Variants in NRG3 observed in about 807,000 individuals in gnomAD.
NRG3 encodes the protein neuregulin 3.
Under a neutral mutation model 66.9 loss-of-function variants are expected in NRG3, and 31 were observed. The ratio of observed to expected loss-of-function variants is 0.46; its 90% CI spans 0.35 to 0.63. NRG3 has a LOEUF of 0.63. Ranked by LOEUF, NRG3 falls within the 20% of genes least tolerant of loss-of-function variation. The pLI is 0.00. For missense variants in NRG3, 910 were observed against 878.9 expected, an observed-to-expected ratio of 1.04 and a Z score of -0.45; for synonymous variants, 393 against 359.4, an observed-to-expected ratio of 1.09 and a Z score of -1.06.
At chr10:82,417,999 A>G (rs2088703735) in intron 2 of NRG3, among the ~76,000 whole-genome samples, 1 of 152,246 alleles carries the variant, frequency 6.6e-6, no homozygotes, top group Non-Finnish European at 1.5e-5. Flanking sequence ...ATTTAACCAG[A>G]GCACCTTGAA....
intron 2 of NRG3, among the ~76,000 whole-genome samples, chr10:82,416,453 A>G (rs1001801905): frequency 6.6e-6 from 1 of 152,208 alleles, no homozygotes; most frequent in Non-Finnish European, 1.5e-5. Context: ...AAGTTCATGT[A>G]TAAGCATAAG....
intron 1 of NRG3, among the ~76,000 whole-genome samples, chr10:82,110,513 CAGAGACG>C (rs1354797476): frequency 6.6e-6 from 1 of 152,024 alleles, no homozygotes; most frequent in Non-Finnish European, 1.5e-5. Context: ...AACGGAAACA[CAGAGACG>C]AGAGACGAGG....
chr10:82,779,728 C>CT (rs564100342), intron 3 of NRG3, among the ~76,000 whole-genome samples: 3,153 of 151,030 alleles, frequency 0.021, 103 homozygotes, highest in African/African-American at 0.069. Flanking sequence ...ATTTTCTATT[C>CT]TTTTTTTTTA....
intron 1 of NRG3, among the ~76,000 whole-genome samples, chr10:82,135,384 T>C (rs993189976): frequency 2.0e-5 from 3 of 152,124 alleles, no homozygotes; most frequent in Non-Finnish European, 4.4e-5. Context: ...TATCTTTCTC[T>C]AGATTTTGAA....
chr10:82,908,671 A>C (rs1844997099), intron 4 of NRG3, among the ~76,000 whole-genome samples: 1 of 152,212 alleles, frequency 6.6e-6, no homozygotes, highest in Admixed American at 6.5e-5. Context: ...AAAAAGACTG[A>C]GGGAATCCAG....
intron 1 of NRG3, among the ~76,000 whole-genome samples, chr10:82,109,078 G>C (rs1040460454): frequency 6.6e-6 from 1 of 152,172 alleles, no homozygotes; most frequent in African/African-American, 2.4e-5. Flanking sequence ...CTGGCACACA[G>C]ATGGGATTGA....
At chr10:82,372,398 C>G (rs867052929) in intron 2 of NRG3, among the ~76,000 whole-genome samples, 2 of 152,290 alleles carry the variant, frequency 1.3e-5, no homozygotes, top group South Asian at 2.1e-4. Flanking sequence ...TTCACTCAAG[C>G]TCTGAATTTA....
At chr10:82,896,339 A>G (rs1445077131) in intron 4 of NRG3, among the ~76,000 whole-genome samples, 1 of 152,200 alleles carries the variant, frequency 6.6e-6, no homozygotes, top group Non-Finnish European at 1.5e-5. Context: ...ACTTGGTGGA[A>G]CCAGGCTCCA....
intron 1 of NRG3, among the ~76,000 whole-genome samples, chr10:82,323,858 A>T (rs979169279): frequency 2.6e-5 from 4 of 151,916 alleles, no homozygotes; most frequent in Non-Finnish European, 5.9e-5. Flanking sequence ...TGTTTTAAGT[A>T]TTATTTATTA....
chr10:82,349,739 C>T (rs1020864463), intron 1 of NRG3, among the ~76,000 whole-genome samples: 9 of 152,268 alleles, frequency 5.9e-5, no homozygotes, highest in East Asian at 5.8e-4. Flanking sequence ...TAGGACCCTC[C>T]GAGCCAGGTG....
intron 1 of NRG3, among the ~76,000 whole-genome samples, chr10:82,238,857 T>C (rs991762361): frequency 2.7e-5 from 4 of 150,712 alleles, no homozygotes; most frequent in African/African-American, 9.7e-5. Flanking sequence ...TAAATTACTC[T>C]GCAGCTAAAA....
intron 3 of NRG3, among the ~76,000 whole-genome samples, chr10:82,854,278 T>A (rs78492050): frequency 0.015 from 2,307 of 152,278 alleles, 51 homozygotes; most frequent in African/African-American, 0.048. Flanking sequence ...GAATTAGGCC[T>A]TGAAAGATGG....
intron 2 of NRG3, among the ~76,000 whole-genome samples, chr10:82,430,213 T>A (rs1273394011): frequency 6.6e-6 from 1 of 152,168 alleles, no homozygotes; most frequent in Admixed American, 6.5e-5. Context: ...TTTTTCCACA[T>A]ATGTTTAGGC....
At chr10:82,581,240 AGG>A (rs2046339179) in intron 2 of NRG3, among the ~76,000 whole-genome samples, 1 of 151,830 alleles carries the variant, frequency 6.6e-6, no homozygotes, top group African/African-American at 2.4e-5. Context: ...TCCTTTGGAG[AGG>A]TATTTGTTTA....
chr10:82,233,031 T>C (rs2076564102), intron 1 of NRG3: 2 of 528,942 alleles, frequency 3.8e-6, no homozygotes, highest in Non-Finnish European at 6.8e-6. Context: ...TGGCTCTGGG[T>C]TGGTTAGTTT....
intron 2 of NRG3, among the ~76,000 whole-genome samples, chr10:82,373,632 G>A (rs2085033340): frequency 6.6e-6 from 1 of 152,218 alleles, no homozygotes; most frequent in Admixed American, 6.5e-5. Context: ...GGACAAGGGA[G>A]AGTGAAAAAC....
chr10:81,876,510 C>G (rs1214977709), intron 1 of NRG3, among the ~76,000 whole-genome samples: 1 of 152,182 alleles, frequency 6.6e-6, no homozygotes, highest in African/African-American at 2.4e-5. Flanking sequence ...CCGGATCCCG[C>G]TCCAGTAGAG....
At chr10:81,921,314 T>C (rs1403248065) in intron 1 of NRG3, among the ~76,000 whole-genome samples, 1 of 152,064 alleles carries the variant, frequency 6.6e-6, no homozygotes, top group Non-Finnish European at 1.5e-5. Context: ...AATATTTGCC[T>C]AATCCTGGAG....
intron 1 of NRG3, among the ~76,000 whole-genome samples, chr10:81,937,483 A>G (rs866855692): frequency 1.3e-5 from 2 of 151,950 alleles, no homozygotes; most frequent in Middle Eastern, 3.4e-3. Flanking sequence ...TGTGGTTTTG[A>G]TTTGCATTTC....
Sources: allele counts gnomAD v4.1 joint callset (sites outside exome capture counted in the v4.1 genomes callset), GRCh38; gene constraint gnomAD v4.1.1; transcripts MANE v1.5; gene names NCBI Gene and HGNC (gene_info 2026-07-23, HGNC 2026-07-21).